Variants in TRIM2 observed in about 807,000 individuals in gnomAD.
The protein encoded by TRIM2 is tripartite motif-containing protein 2.
Under a neutral mutation model 75.2 loss-of-function variants are expected in TRIM2, and 20 were observed. The observed-to-expected ratio is 0.27, with a 90% CI of 0.19 to 0.39. TRIM2 has a LOEUF of 0.39. Among genes scored for constraint, TRIM2 ranks in the 10% least tolerant of loss-of-function variants. The pLI, the probability that TRIM2 is intolerant of heterozygous loss-of-function variation, is 1.00. For synonymous variants in TRIM2, 373 were observed against 388.3 expected, an observed-to-expected ratio of 0.96 and a Z score of 0.46; for missense variants, 660 against 990.8, an observed-to-expected ratio of 0.67 and a Z score of 4.48.
At position 153,339,117 on chromosome 4, in the gene TRIM2, A is replaced by T. The variant is rs1772808684; in HGVS notation, c.*4151A>T. The T allele has an allele frequency of 5.1e-6, 5 of 985,840 alleles. No homozygotes were observed. Among genetic ancestry groups the T allele is most frequent in the Non-Finnish European group, 6.0e-6 (5 of 829,922 alleles). 61.1% of individuals were successfully genotyped at this position (985,840 alleles called of 1,614,324 possible). ...TTATGAATCAAAATGTTGACTGCCTATTTAAAGAAAAGAATGAACGCTGTG... is the reference window on the plus strand; with the variant it reads ...TTATGAATCAAAATGTTGACTGCCTTTTTAAAGAAAAGAATGAACGCTGTG... On this transcript the variant is annotated 3_prime_UTR_variant, in exon 12 of 12. Coordinates refer to ENST00000338700, the MANE Select transcript of TRIM2 (RefSeq NM_015271.5).
intron 1 of TRIM2, among the ~76,000 whole-genome samples, chr4:153,173,941 G>A (rs1362808234): frequency 6.6e-6 from 1 of 151,822 alleles, no homozygotes; most frequent in Non-Finnish European, 1.5e-5. Context: ...GTCTATCCTG[G>A]GTGACAAAGT....
intron 1 of TRIM2, among the ~76,000 whole-genome samples, chr4:153,174,157 G>A (rs1731176717): frequency 6.6e-6 from 1 of 151,238 alleles, no homozygotes. Flanking sequence ...CATTGCCTAT[G>A]GGTTTTATTT....
In TRIM2 at chr4:153,276,058, G is replaced by T; in HGVS notation, c.381G>T (p.Glu127Asp). 3.7e-6 allele frequency: 6 copies of T among 1,614,242 alleles called. No individual in the cohort carries two copies. Among genetic ancestry groups the T allele is most frequent in the Non-Finnish European group, 5.1e-6 (6 of 1,180,040 alleles). Residue 127 changes from glutamate to aspartate, a missense_variant, in exon 3 of 12, where the codon GAG becomes GAT. By Grantham distance (45) the Glu-to-Asp change is conservative. Around this residue, in one of 2 missense-constraint regions of TRIM2, gnomAD observed 620 missense variants for 891.0 expected, o/e 0.70. Transcript: ENST00000338700. ...GAACTCCAGGCAGCAACGCTGAGGA[G>T]TCTTCCATCCTGGAGACAGTCACTG... The part of the protein sequence containing the change: ...LQRTPGSNAE[E>D]SSILETVTAV...
chr4:153,290,944 G>A (rs1170752625), intron 3 of TRIM2, among the ~76,000 whole-genome samples: 2 of 152,018 alleles, frequency 1.3e-5, no homozygotes, highest in Non-Finnish European at 2.9e-5. Flanking sequence ...ATGTTTTTGA[G>A]CAGAGAATGC....
intron 1 of TRIM2, chr4:153,266,988 ACAC>A (rs1755341388): frequency 6.6e-6 from 1 of 151,422 alleles, no homozygotes; most frequent in Middle Eastern, 3.4e-3. Context: ...TTACCTGTAA[ACAC>A]CACTGCACTT....
intron 3 of TRIM2, among the ~76,000 whole-genome samples, chr4:153,287,533 A>G (rs190413753): frequency 4.6e-4 from 70 of 152,248 alleles, no homozygotes; most frequent in African/African-American, 1.6e-3. Flanking sequence ...TTTTATGTTT[A>G]ATAGATATTT....
intron 1 of TRIM2, among the ~76,000 whole-genome samples, chr4:153,239,389 TG>T (rs1745908562): frequency 1.3e-5 from 2 of 151,930 alleles, no homozygotes; most frequent in Non-Finnish European, 2.9e-5. Flanking sequence ...TTGATAGAAT[TG>T]TTTTGGAGAT....
intron 6 of TRIM2, among the ~76,000 whole-genome samples, chr4:153,303,133 T>C (rs1399843959): frequency 2.6e-5 from 4 of 152,134 alleles, no homozygotes; most frequent in Non-Finnish European, 5.9e-5. Flanking sequence ...TCCATACCTT[T>C]GACTACAAAT....
chr4:153,224,020 T>A (rs961907989), intron 1 of TRIM2, among the ~76,000 whole-genome samples: 1 of 152,188 alleles, frequency 6.6e-6, no homozygotes, highest in Non-Finnish European at 1.5e-5. Flanking sequence ...CAACTTGTAT[T>A]GAGGGTTCCT....
At chr4:153,166,476 C>T (rs1435222900) in intron 1 of TRIM2, among the ~76,000 whole-genome samples, 1 of 151,120 alleles carries the variant, frequency 6.6e-6, no homozygotes, top group South Asian at 2.1e-4. Context: ...AGGATTTTCC[C>T]TCCCTCCCTC....
At chr4:153,273,983 G>A (rs186192733) in intron 2 of TRIM2, among the ~76,000 whole-genome samples, 3 of 152,320 alleles carry the variant, frequency 2.0e-5, no homozygotes, top group African/African-American at 7.2e-5. Flanking sequence ...TCAACACTGA[G>A]GAAGAACTTA....
Position 153,162,179 on chromosome 4 carries a change from G to A in TRIM2, c.-49+8909G>A, listed in dbSNP as rs138920387. Among the ~76,000 whole-genome samples the A allele has an allele frequency of 2.0e-3, 299 of 152,276 alleles. 5 individuals are homozygous for A. The highest frequency in any genetic ancestry group is 6.7e-3 in the African/African-American group (277 of 41,552). ...TCTTCAAGAAATACTTGTTTGGATT[G>A]AGTGTATCAGGGTTCTCCAGAAAAA... On this transcript the variant is annotated intron_variant, in intron 1 of 11. Coordinates refer to the TRIM2 transcript ENST00000437508.
At chr4:153,313,627 CTTTTTTTTTTTT>C (rs398051309) in intron 6 of TRIM2, among the ~76,000 whole-genome samples, 1 of 98,528 alleles carries the variant, frequency 1.0e-5, no homozygotes, top group South Asian at 3.3e-4. Context: ...AGCAATGGCT[CTTTTTTTTTTTT>C]TTTTTTTTTT....
chr4:153,282,441 G>T (rs1011260964), intron 3 of TRIM2, among the ~76,000 whole-genome samples: 6 of 152,132 alleles, frequency 3.9e-5, no homozygotes, highest in African/African-American at 1.4e-4. Context: ...TGGGCTTGGT[G>T]GCTCACTTTG....
In TRIM2 at chr4:153,221,756, G is replaced by C. The variant is rs78640273; in HGVS notation, c.30+17196G>C. ...GGAAAGAGTGAGGAAGGGAGGGAGG[G>C]AGGAAATAAGGAAGGAAGGAAAGAA... On this transcript the variant is annotated intron_variant, in intron 1 of 11. Coordinates refer to ENST00000338700, the MANE Select transcript of TRIM2 (RefSeq NM_015271.5). 3.2e-3 allele frequency among the ~76,000 whole-genome samples: 428 copies of C among 134,802 alleles called. 1 individual carries two copies. Among genetic ancestry groups the C allele is most frequent in the African/African-American group, 0.011 (411 of 36,216 alleles). The allele number at this position is 134,802 out of a possible 152,430, so 88.4% of individuals were successfully genotyped here. A position where few individuals can be genotyped will look rare whatever the true frequency, so the allele number is the denominator to read the frequency against.
chr4:153,238,655 A>G (rs115207413), intron 1 of TRIM2, among the ~76,000 whole-genome samples: 3,951 of 152,298 alleles, frequency 0.026, 105 homozygotes, highest in South Asian at 0.05. Flanking sequence ...AAGTCTTTTA[A>G]AGAAGACTTG....
At chr4:153,331,645 A>G (rs573837032) in intron 11 of TRIM2, among the ~76,000 whole-genome samples, 15 of 152,272 alleles carry the variant, frequency 9.9e-5, no homozygotes, top group Non-Finnish European at 2.1e-4. Context: ...TAAAATTTAT[A>G]TGGCAAGGCA....
intron 1 of TRIM2, among the ~76,000 whole-genome samples, chr4:153,232,039 C>T (rs1327197007): frequency 1.3e-5 from 2 of 152,138 alleles, no homozygotes; most frequent in Non-Finnish European, 2.9e-5. Flanking sequence ...AGTATCTGCA[C>T]ATATTCCAAA....
In TRIM2 at chr4:153,335,974, C is replaced by G; in HGVS notation, c.*1008C>G. 1 of 985,784 alleles carries G rather than the reference C, an allele frequency of 1.0e-6. No homozygotes were observed. Among genetic ancestry groups the G allele is most frequent in the Non-Finnish European group, 1.2e-6 (1 of 829,930 alleles). 61.1% of individuals were successfully genotyped at this position (985,784 alleles called of 1,614,324 possible). ...GGCATGTGATTGATTAATGATTCCC[C>G]CTTAGAAAGCAAGTGTTACCAAAGT... On this transcript the variant is annotated 3_prime_UTR_variant, in exon 12 of 12. Coordinates refer to ENST00000338700, the MANE Select transcript of TRIM2 (RefSeq NM_015271.5).
Sources: allele counts gnomAD v4.1 joint callset (sites outside exome capture counted in the v4.1 genomes callset), GRCh38; gene constraint gnomAD v4.1.1; regional missense constraint gnomAD v4.1.1; transcripts MANE v1.5; gene names NCBI Gene and HGNC (gene_info 2026-07-23, HGNC 2026-07-21).